CNTN5: variants seen among roughly 807,000 people sequenced by gnomAD.
The protein encoded by CNTN5 is contactin 5.
A neutral mutation model predicts 129.1 loss-of-function variants in CNTN5; 77 were observed. The observed-to-expected ratio is 0.60, with a 90% CI of 0.50 to 0.72. The LOEUF is 0.72. Ranked by LOEUF, CNTN5 falls within the 30% of genes least tolerant of loss-of-function variation. The probability of loss-of-function intolerance (pLI) is 0.00; values close to 1 mark genes in which losing one functional copy is unlikely to be tolerated. For synonymous variants in CNTN5, 509 were observed against 465.6 expected (o/e 1.09, Z -1.20); for missense variants, 1,478 against 1,328.8 (o/e 1.11, Z -1.75).
chr11:99,112,697 A>C (rs1271925705), intron 1 of CNTN5, among the ~76,000 whole-genome samples: 2 of 152,014 alleles, frequency 1.3e-5, no homozygotes, highest in African/African-American at 4.8e-5. Context: ...AGTTAATTTC[A>C]ATATTGTAAA....
intron 3 of CNTN5, among the ~76,000 whole-genome samples, chr11:99,653,923 C>A (rs1713760101): frequency 1.3e-5 from 2 of 151,908 alleles, no homozygotes; most frequent in South Asian, 4.1e-4. Context: ...ATATATCCCT[C>A]TTTGTCTAAA....
At chr11:99,112,910 T>C (rs534331775) in intron 1 of CNTN5, among the ~76,000 whole-genome samples, 17 of 152,096 alleles carry the variant, frequency 1.1e-4, no homozygotes, top group African/African-American at 4.1e-4. Context: ...TTATCTCCCT[T>C]TTTAATTTGA....
chr11:100,016,735 G>A (rs1471463922), intron 9 of CNTN5, among the ~76,000 whole-genome samples: 2 of 152,044 alleles, frequency 1.3e-5, no homozygotes, highest in East Asian at 3.9e-4. Flanking sequence ...ACATGTGTGT[G>A]TGTGAGTGGT....
chr11:99,425,246 A>C (rs1943067731), intron 2 of CNTN5, among the ~76,000 whole-genome samples: 1 of 152,184 alleles, frequency 6.6e-6, no homozygotes, highest in Non-Finnish European at 1.5e-5. Flanking sequence ...TCATCAATGA[A>C]GTCCTCACTC....
At chr11:99,144,255 C>T (rs562349240) in intron 1 of CNTN5, among the ~76,000 whole-genome samples, 37 of 152,162 alleles carry the variant, frequency 2.4e-4, no homozygotes, top group Non-Finnish European at 5.3e-4. Context: ...CTAGTCTCAT[C>T]TATAGTCTAG....
chr11:100,317,114 T>C (rs1951586565), intron 21 of CNTN5, among the ~76,000 whole-genome samples: 1 of 152,234 alleles, frequency 6.6e-6, no homozygotes, highest in African/African-American at 2.4e-5. Flanking sequence ...AATTGTGTTT[T>C]GCTCTATAAA....
At chr11:100,089,301 CA>C (rs1944666962) in intron 13 of CNTN5, among the ~76,000 whole-genome samples, 1 of 151,818 alleles carries the variant, frequency 6.6e-6, no homozygotes, top group African/African-American at 2.4e-5. Flanking sequence ...CAAACATATG[CA>C]AAAAAGCTCA....
chr11:100,289,313 G>T (rs1186591127), intron 18 of CNTN5, among the ~76,000 whole-genome samples: 2 of 152,054 alleles, frequency 1.3e-5, no homozygotes, highest in Non-Finnish European at 2.9e-5. Context: ...CGAACAAAGA[G>T]AATTTTAGAC....
chr11:99,337,392 T>G (rs1047688738), intron 2 of CNTN5, among the ~76,000 whole-genome samples: 1 of 152,148 alleles, frequency 6.6e-6, no homozygotes, highest in African/African-American at 2.4e-5. Flanking sequence ...CACGTATTTA[T>G]TAACAGCAAA....
chr11:99,326,814 T>A (rs983084761), intron 2 of CNTN5, among the ~76,000 whole-genome samples: 2 of 152,184 alleles, frequency 1.3e-5, no homozygotes, highest in East Asian at 3.9e-4. Flanking sequence ...TGGGAAAAAA[T>A]TGAGTTCCAT....
intron 3 of CNTN5, among the ~76,000 whole-genome samples, chr11:99,641,714 C>G (rs1951777966): frequency 6.6e-6 from 1 of 152,126 alleles, no homozygotes; most frequent in Admixed American, 6.5e-5. Flanking sequence ...AATATTTAAG[C>G]AGGAGAGGTG....
intron 3 of CNTN5, among the ~76,000 whole-genome samples, chr11:99,796,992 G>A (rs751766509): frequency 2.3e-4 from 35 of 152,034 alleles, no homozygotes; most frequent in Non-Finnish European, 4.4e-4. Flanking sequence ...TTGGGTGCCA[G>A]GAATGAGTCC....
intron 18 of CNTN5, among the ~76,000 whole-genome samples, chr11:100,291,340 G>A (rs1305097136): frequency 3.6e-4 from 55 of 151,190 alleles, no homozygotes; most frequent in Middle Eastern, 3.4e-3. Flanking sequence ...TCACAATAGC[G>A]AAGACTTGGA....
chr11:99,624,507 G>A (rs1269296422), intron 3 of CNTN5, among the ~76,000 whole-genome samples: 2 of 151,968 alleles, frequency 1.3e-5, no homozygotes, highest in South Asian at 4.1e-4. Context: ...CAGATGAGGT[G>A]GTGGGTTTTG....
intron 21 of CNTN5, among the ~76,000 whole-genome samples, chr11:100,318,452 G>C (rs539813882): frequency 1.3e-5 from 2 of 152,112 alleles, no homozygotes; most frequent in South Asian, 2.1e-4. Context: ...CAAATGTAGA[G>C]AGCAATTTAT....
At chr11:99,662,112 T>C (rs1485069870) in intron 3 of CNTN5, among the ~76,000 whole-genome samples, 1 of 152,190 alleles carries the variant, frequency 6.6e-6, no homozygotes, top group Non-Finnish European at 1.5e-5. Context: ...AAACATTTTT[T>C]AATAATTTTC....
chr11:100,178,408 G>A (rs1208423220), intron 13 of CNTN5, among the ~76,000 whole-genome samples: 1 of 151,940 alleles, frequency 6.6e-6, no homozygotes, highest in South Asian at 2.1e-4. Context: ...TTGTCCACTT[G>A]TAACTGGACT....
chr11:99,544,363 G>A (rs1458942971), intron 2 of CNTN5, among the ~76,000 whole-genome samples: 1 of 150,948 alleles, frequency 6.6e-6, no homozygotes, highest in East Asian at 1.9e-4. Flanking sequence ...GGCATATTCT[G>A]AGATCAGCAG....
intron 6 of CNTN5, among the ~76,000 whole-genome samples, chr11:99,899,026 G>T (rs1223170589): frequency 6.6e-6 from 1 of 151,902 alleles, no homozygotes; most frequent in Non-Finnish European, 1.5e-5. Flanking sequence ...TTCTCAGCTT[G>T]AACATTATTA....
Sources: allele counts gnomAD v4.1 joint callset (sites outside exome capture counted in the v4.1 genomes callset), GRCh38; gene constraint gnomAD v4.1.1; transcripts MANE v1.5; gene names NCBI Gene and HGNC (gene_info 2026-07-23, HGNC 2026-07-21).